PTPRN2: variants seen among roughly 807,000 people sequenced by gnomAD.
PTPRN2 encodes the protein protein tyrosine phosphatase receptor type N2, also known as receptor-type tyrosine-protein phosphatase N2.
A neutral mutation model predicts 118.8 loss-of-function variants in PTPRN2; 74 were observed. The ratio of observed to expected loss-of-function variants is 0.62; its 90% CI spans 0.52 to 0.76. PTPRN2 has a LOEUF of 0.76. Ranked by LOEUF, PTPRN2 falls within the 30% of genes least tolerant of loss-of-function variation. The probability of loss-of-function intolerance (pLI) is 0.00; values close to 1 mark genes in which losing one functional copy is unlikely to be tolerated. For missense variants in PTPRN2, 1,481 were observed against 1,394.4 expected, an observed-to-expected ratio of 1.06 and a Z score of -0.99; for synonymous variants, 641 against 608.0, an observed-to-expected ratio of 1.05 and a Z score of -0.80.
At chr7:157,971,374 C>T (rs1473066800) in intron 11 of PTPRN2, among the ~76,000 whole-genome samples, 1 of 152,156 alleles carries the variant, frequency 6.6e-6, no homozygotes, top group African/African-American at 2.4e-5. Flanking sequence ...ATATTCCACC[C>T]CAGTGCAGCA....
intron 21 of PTPRN2, among the ~76,000 whole-genome samples, chr7:157,557,667 G>T (rs1413637237): frequency 1.3e-5 from 2 of 150,530 alleles, no homozygotes; most frequent in African/African-American, 4.9e-5. Context: ...GTTTTTTTTT[G>T]CTGACCTTCT....
chr7:158,134,117 T>C, intron 8 of PTPRN2, 58 bp from the exon 9 acceptor site: 2 of 1,556,856 alleles, frequency 1.3e-6, no homozygotes, highest in Non-Finnish European at 1.7e-6. Flanking sequence ...ATGTGACACA[T>C]GCAATCAAGG....
At chr7:158,113,159 G>T (rs759427359) in intron 9 of PTPRN2, among the ~76,000 whole-genome samples, 1 of 152,140 alleles carries the variant, frequency 6.6e-6, no homozygotes, top group South Asian at 2.1e-4. Flanking sequence ...GAAGGGCCGG[G>T]CCTCAGATTG....
chr7:158,198,686 G>A, intron 4 of PTPRN2, among the ~76,000 whole-genome samples: 1 of 151,452 alleles, frequency 6.6e-6, no homozygotes, highest in Non-Finnish European at 1.5e-5. Context: ...TTAGCCCTTA[G>A]CATGTTCTTC....
chr7:158,168,523 A>G (rs1823239905), intron 5 of PTPRN2, among the ~76,000 whole-genome samples: 2 of 152,218 alleles, frequency 1.3e-5, no homozygotes, highest in African/African-American at 4.8e-5. Context: ...TCTTTCAGCA[A>G]CCCTCAGCAG....
chr7:158,008,180 T>C (rs1805798063), intron 11 of PTPRN2, among the ~76,000 whole-genome samples: 1 of 151,762 alleles, frequency 6.6e-6, no homozygotes, highest in African/African-American at 2.4e-5. Context: ...GGGGTGTGCA[T>C]TGCACGTGTA....
chr7:158,045,084 T>G (rs1286847376), intron 11 of PTPRN2, among the ~76,000 whole-genome samples: 1 of 152,214 alleles, frequency 6.6e-6, no homozygotes, highest in African/African-American at 2.4e-5. Context: ...CTTACACATA[T>G]GCATGATATT....
At chr7:157,803,618 G>A (rs1236916437) in intron 12 of PTPRN2, among the ~76,000 whole-genome samples, 8 of 152,198 alleles carry the variant, frequency 5.3e-5, no homozygotes, top group Admixed American at 4.6e-4. Flanking sequence ...GTGGATGTGA[G>A]GTGAGGGTCC....
At chr7:158,576,769 G>C (rs1828346591) in intron 1 of PTPRN2, among the ~76,000 whole-genome samples, 1 of 148,774 alleles carries the variant, frequency 6.7e-6, no homozygotes, top group Non-Finnish European at 1.5e-5. Flanking sequence ...ACCACAAACA[G>C]CATGGGGCCT....
chr7:157,706,210 A>G (rs532325386), intron 12 of PTPRN2, among the ~76,000 whole-genome samples: 43 of 152,188 alleles, frequency 2.8e-4, no homozygotes, highest in Admixed American at 4.6e-4. Flanking sequence ...GAACTGACCA[A>G]ATCTGACTCC....
At chr7:158,202,299 C>T (rs1826702124) in intron 4 of PTPRN2, among the ~76,000 whole-genome samples, 1 of 152,150 alleles carries the variant, frequency 6.6e-6, no homozygotes, top group Non-Finnish European at 1.5e-5. Flanking sequence ...GACGATGGGC[C>T]ACACTGTTTC....
intron 3 of PTPRN2, among the ~76,000 whole-genome samples, chr7:158,270,694 C>T (rs1329595465): frequency 4.0e-5 from 6 of 151,702 alleles, no homozygotes; most frequent in African/African-American, 1.2e-4. Flanking sequence ...GCTTGCTGGG[C>T]CACCCCTCTA....
chr7:157,658,387 T>C (rs1563314533), intron 13 of PTPRN2, among the ~76,000 whole-genome samples: 1 of 151,960 alleles, frequency 6.6e-6, no homozygotes, highest in Admixed American at 6.6e-5. Context: ...TGCTGCTGAG[T>C]AGACACCAAA....
At chr7:157,687,177 A>C (rs569717635) in intron 12 of PTPRN2, among the ~76,000 whole-genome samples, 3 of 152,254 alleles carry the variant, frequency 2.0e-5, no homozygotes, top group African/African-American at 7.2e-5. Flanking sequence ...CTTCCACCCC[A>C]TGCCCTTGTG....
At position 158,493,798 on chromosome 7, in the gene PTPRN2, C is replaced by G. The variant is rs1274535197; in HGVS notation, c.113-4013G>C. 7.4e-5 allele frequency among the ~76,000 whole-genome samples: 10 copies of G among 135,962 alleles called. 1 individual carries two copies. Among genetic ancestry groups the G allele is most frequent in the Non-Finnish European group, 1.5e-4 (9 of 61,866 alleles). The allele number at this position is 135,962 out of a possible 152,430, so 89.2% of individuals were successfully genotyped here. On this transcript the variant is annotated intron_variant, in intron 1 of 22. Transcript: ENST00000389418. ...AGTCATGCCCATTCACAGGCACACT[C>G]ATGCCTGCACACATACACGCACACC...
Position 158,003,369 on chromosome 7 carries a change from G to C in PTPRN2, c.1723+77929C>G, listed in dbSNP as rs6957288. 0.82 allele frequency among the ~76,000 whole-genome samples: 118,614 copies of C among 144,396 alleles called. 48,920 individuals are homozygous for C. Among genetic ancestry groups the C allele is most frequent in the East Asian group, 0.89 (4,229 of 4,758 alleles). 94.7% of individuals were successfully genotyped at this position (144,396 alleles called of 152,430 possible). A position where few individuals can be genotyped will look rare whatever the true frequency, so the allele number is the denominator to read the frequency against. Reference sequence around the variant, plus strand: ...GCGGAGCTTGCAGTGAGCCGAGATCGCGCCACTGCACTCCAACCTGGGAGA... The same window carrying C: ...GCGGAGCTTGCAGTGAGCCGAGATCCCGCCACTGCACTCCAACCTGGGAGA... On this transcript the variant is annotated intron_variant, in intron 11 of 22. Coordinates refer to ENST00000389418, the MANE Select transcript of PTPRN2 (RefSeq NM_002847.5). This position sits in a 1 kb window ranked among gnomAD's most constrained non-coding sequence, Gnocchi z 5.0.
chr7:158,293,791 T>A (rs1800278158), intron 3 of PTPRN2, among the ~76,000 whole-genome samples: 1 of 151,076 alleles, frequency 6.6e-6, no homozygotes, highest in Non-Finnish European at 1.5e-5. Context: ...ACACACACCC[T>A]AGCCTAGGCC....
At chr7:158,315,625 C>T (rs1444389342) in intron 3 of PTPRN2, among the ~76,000 whole-genome samples, 6 of 152,222 alleles carry the variant, frequency 3.9e-5, no homozygotes, top group South Asian at 4.1e-4. Flanking sequence ...CTGGTGATTC[C>T]GCCTGGAAGG....
intron 2 of PTPRN2, among the ~76,000 whole-genome samples, chr7:158,401,481 G>A (rs1294063391): frequency 6.6e-6 from 1 of 152,186 alleles, no homozygotes; most frequent in South Asian, 2.1e-4. Context: ...GCCAAGACAC[G>A]ATGGACCCCA....
Sources: gnomAD v4.1 joint callset for allele counts (sites outside exome capture counted in the v4.1 genomes callset) on GRCh38, gnomAD v4.1.1 for gene constraint, Gnocchi (gnomAD v3.1) non-coding constraint, MANE v1.5 for transcripts, NCBI Gene and HGNC (gene_info 2026-07-23, HGNC 2026-07-21) for gene names.